PRKN: variants seen among roughly 807,000 people sequenced by gnomAD.
PRKN encodes parkin RBR E3 ubiquitin protein ligase, also known as E3 ubiquitin-protein ligase parkin.
Under a neutral mutation model 59.5 loss-of-function variants are expected in PRKN, and 56 were observed. The observed-to-expected ratio is 0.94, with a 90% CI of 0.76 to 1.18. The LOEUF (loss-of-function observed/expected upper bound fraction) is 1.18, where lower values mean the gene tolerates loss of function less well. Among genes scored for constraint, PRKN ranks in the 50% most tolerant of loss-of-function variants. PRKN has a pLI of 0.00. For synonymous variants in PRKN, 250 were observed against 222.1 expected, an observed-to-expected ratio of 1.13 and a Z score of -1.12; for missense variants, 657 against 596.4, an observed-to-expected ratio of 1.10 and a Z score of -1.06.
chr6:162,690,775 G>A (rs371530274), intron 1 of PRKN, among the ~76,000 whole-genome samples: 11 of 152,130 alleles, frequency 7.2e-5, no homozygotes, highest in Non-Finnish European at 1.3e-4. Flanking sequence ...AACTAGGTCA[G>A]ATCAGATGTT....
At chr6:161,874,099 T>C (rs1180523283) in intron 6 of PRKN, among the ~76,000 whole-genome samples, 1 of 65,284 alleles carries the variant, frequency 1.5e-5, no homozygotes, top group South Asian at 5.4e-4. Flanking sequence ...ATATATAATA[T>C]ATATTATATG....
intron 10 of PRKN, among the ~76,000 whole-genome samples, chr6:161,382,935 C>T (rs1380493786): frequency 6.6e-6 from 1 of 152,180 alleles, no homozygotes; most frequent in Non-Finnish European, 1.5e-5. Flanking sequence ...AAGGGAAGAA[C>T]AGCAGAAACG....
intron 7 of PRKN, among the ~76,000 whole-genome samples, chr6:161,729,791 A>G (rs1787595953): frequency 6.6e-6 from 1 of 152,122 alleles, no homozygotes; most frequent in South Asian, 2.1e-4. Flanking sequence ...GCATTCTGAC[A>G]TGCTGCATTC....
intron 8 of PRKN, among the ~76,000 whole-genome samples, chr6:161,564,482 C>A (rs749570445): frequency 4.6e-5 from 7 of 152,208 alleles, no homozygotes; most frequent in Non-Finnish European, 1.0e-4. Flanking sequence ...CTGCAATCTG[C>A]TTTCTCAATG....
intron 6 of PRKN, 114 bp from the exon 7 acceptor site, chr6:161,786,022 A>G: frequency 9.6e-7 from 1 of 1,042,134 alleles, no homozygotes; most frequent in Non-Finnish European, 1.5e-6. Flanking sequence ...GCTCTGTGCA[A>G]AGACCGGAGC....
chr6:162,160,917 A>G (rs867904007), intron 4 of PRKN, among the ~76,000 whole-genome samples: 1 of 125,598 alleles, frequency 8.0e-6, no homozygotes, highest in East Asian at 2.3e-4. Context: ...AAAAAAAAAA[A>G]GAAAAAGAGG....
chr6:161,570,610 T>A (rs190989476), intron 7 of PRKN, among the ~76,000 whole-genome samples: 31 of 152,138 alleles, frequency 2.0e-4, no homozygotes, highest in African/African-American at 7.2e-4. Context: ...TTCCTGATGA[T>A]TTTCTTAATA....
At chr6:161,754,215 A>G (rs1788815939) in intron 7 of PRKN, among the ~76,000 whole-genome samples, 1 of 152,040 alleles carries the variant, frequency 6.6e-6, no homozygotes, top group Admixed American at 6.6e-5. Context: ...TAGGCGGGTG[A>G]GACAAATGAC....
At chr6:161,854,194 G>A (rs1793552197) in intron 6 of PRKN, among the ~76,000 whole-genome samples, 1 of 151,860 alleles carries the variant, frequency 6.6e-6, no homozygotes, top group Non-Finnish European at 1.5e-5. Context: ...GGTGGAAGTT[G>A]CAGTGAGCCG....
chr6:162,625,486 A>G (rs1782846404), intron 1 of PRKN, among the ~76,000 whole-genome samples: 1 of 152,112 alleles, frequency 6.6e-6, no homozygotes, highest in Non-Finnish European at 1.5e-5. Flanking sequence ...ATGTTCAGGA[A>G]CCTAAGATGA....
intron 9 of PRKN, among the ~76,000 whole-genome samples, chr6:161,478,261 C>T (rs971810577): frequency 6.6e-6 from 1 of 152,152 alleles, no homozygotes; most frequent in African/African-American, 2.4e-5. Context: ...TGGCTCCCAC[C>T]ACTTCTCATG....
At chr6:161,802,267 G>A (rs1791113799) in intron 6 of PRKN, among the ~76,000 whole-genome samples, 1 of 152,000 alleles carries the variant, frequency 6.6e-6, no homozygotes, top group Non-Finnish European at 1.5e-5. Flanking sequence ...AGTCCTAATG[G>A]TGACTTTAAT....
intron 4 of PRKN, among the ~76,000 whole-genome samples, chr6:162,164,205 G>A (rs1477597663): frequency 6.7e-6 from 1 of 148,910 alleles, no homozygotes; most frequent in Non-Finnish European, 1.5e-5. Context: ...AAAAGGTTTT[G>A]AGTGGTCAAC....
At chr6:161,586,351 C>T (rs531375951) in intron 7 of PRKN, among the ~76,000 whole-genome samples, 1 of 152,128 alleles carries the variant, frequency 6.6e-6, no homozygotes, top group Non-Finnish European at 1.5e-5. Context: ...ATTGCCATAG[C>T]AAAATTCAGG....
chr6:162,245,072 A>T (rs1000695793), intron 3 of PRKN, among the ~76,000 whole-genome samples: 1 of 152,140 alleles, frequency 6.6e-6, no homozygotes, highest in Admixed American at 6.6e-5. Flanking sequence ...AAAACATTTT[A>T]CATATTAAAT....
At chr6:162,545,826 C>T (rs111837489) in intron 1 of PRKN, among the ~76,000 whole-genome samples, 3,471 of 151,972 alleles carry the variant, frequency 0.023, 153 homozygotes, top group African/African-American at 0.078. Context: ...TTTTCTCCTC[C>T]GAATTGGTAA....
At chr6:162,574,079 C>G (rs902362730) in intron 1 of PRKN, among the ~76,000 whole-genome samples, 4 of 152,150 alleles carry the variant, frequency 2.6e-5, no homozygotes, top group Non-Finnish European at 4.4e-5. Context: ...GGGTCCCAGT[C>G]CACCTGGTAC....
chr6:162,603,592 C>T (rs1375174348), intron 1 of PRKN, among the ~76,000 whole-genome samples: 2 of 152,146 alleles, frequency 1.3e-5, no homozygotes, highest in African/African-American at 2.4e-5. Context: ...CTGCTCTAAG[C>T]GATGCTGAAA....
chr6:162,664,879 T>C (rs34520442), intron 1 of PRKN, among the ~76,000 whole-genome samples: 13,016 of 152,238 alleles, frequency 0.085, 700 homozygotes, highest in Middle Eastern at 0.18. Flanking sequence ...AGAAGCTCTT[T>C]AGTTTAATTA....
Sources: allele counts gnomAD v4.1 joint callset (sites outside exome capture counted in the v4.1 genomes callset), GRCh38; gene constraint gnomAD v4.1.1; transcripts MANE v1.5; gene names NCBI Gene and HGNC (gene_info 2026-07-23, HGNC 2026-07-21).